Variants in SEL1L observed in about 807,000 individuals in gnomAD.
The protein encoded by SEL1L is SEL1L adaptor subunit of SYVN1 ubiquitin ligase.
A neutral mutation model predicts 109.8 loss-of-function variants in SEL1L; 52 were observed. The observed-to-expected ratio is 0.47, with a 90% CI of 0.38 to 0.60. The LOEUF (loss-of-function observed/expected upper bound fraction) is 0.60. SEL1L is among the 20% of genes least tolerant of loss of function. The probability of loss-of-function intolerance (pLI) is 0.00; values close to 1 mark genes in which losing one functional copy is unlikely to be tolerated. For missense variants in SEL1L, 749 were observed against 962.2 expected (o/e 0.78, Z 2.93); for synonymous variants, 373 against 339.6 (o/e 1.10, Z -1.08).
intron 10 of SEL1L, among the ~76,000 whole-genome samples, chr14:81,497,317 A>C (rs2140008840): frequency 6.6e-6 from 1 of 152,338 alleles, no homozygotes; most frequent in African/African-American, 2.4e-5. Context: ...AAAAAAATAT[A>C]AATGTTAAAG....
At chr14:81,530,874 A>T (rs927889528) in intron 1 of SEL1L, among the ~76,000 whole-genome samples, 19 of 152,252 alleles carry the variant, frequency 1.2e-4, no homozygotes, top group African/African-American at 4.6e-4. Context: ...AAATCTGTAC[A>T]GCATGTGACT....
At chr14:81,501,046 T>A (rs1047201228) in intron 6 of SEL1L, among the ~76,000 whole-genome samples, 1 of 152,200 alleles carries the variant, frequency 6.6e-6, no homozygotes, top group Non-Finnish European at 1.5e-5. Flanking sequence ...GCCTGGGGTA[T>A]GGCTGTCAGG....
At chr14:81,487,734 T>C in intron 15 of SEL1L, 121 bp downstream of exon 15, 8 of 1,523,686 alleles carry the variant, frequency 5.3e-6, no homozygotes, top group Non-Finnish European at 7.0e-6. Flanking sequence ...ATCATTGAAC[T>C]GGGAGAACAT....
At chr14:81,524,344 T>A (rs1362333688) in intron 3 of SEL1L, among the ~76,000 whole-genome samples, 2 of 152,262 alleles carry the variant, frequency 1.3e-5, no homozygotes, top group East Asian at 3.9e-4. Flanking sequence ...TGTCTCTCAA[T>A]GTAAAGCAAC....
intron 10 of SEL1L, among the ~76,000 whole-genome samples, chr14:81,496,052 G>A (rs1341994140): frequency 6.6e-6 from 1 of 152,010 alleles, no homozygotes; most frequent in Non-Finnish European, 1.5e-5. Context: ...GGCCGGGCGC[G>A]GTGCCTCACG....
intron 3 of SEL1L, among the ~76,000 whole-genome samples, chr14:81,520,659 T>G (rs765775375): frequency 9.9e-5 from 15 of 152,120 alleles, no homozygotes; most frequent in Non-Finnish European, 1.9e-4. Flanking sequence ...CAAATCACCT[T>G]AGAAATATGG....
In SEL1L at chr14:81,484,238, A is replaced by C; in HGVS notation, c.2033T>G (p.Leu678Arg). The change falls in exon 19 of 21, where the codon CTG becomes CGG. Residue 678 changes from leucine (L) to arginine (R), a missense_variant. Leu to Arg is a moderately radical substitution (Grantham distance 102). Transcript: ENST00000336735. The stretch of plus-strand genomic sequence containing the variant: ...AGCCACACTCACCTGTTTAATGCCC[A>C]GTCCTTTCTCATGCATATATCCCAG... ...FNLGYMHEKG[L>R]GIKQDIHLAK... 6.2e-7 allele frequency: 1 copy of C among 1,610,932 alleles called. No homozygotes were observed. Among genetic ancestry groups the C allele is most frequent in the South Asian group, 1.1e-5 (1 of 90,848 alleles).
chr14:81,529,674 C>T (rs1162772900), intron 1 of SEL1L, among the ~76,000 whole-genome samples: 1 of 152,208 alleles, frequency 6.6e-6, no homozygotes, highest in African/African-American at 2.4e-5. Context: ...CCTCTCTCTT[C>T]GCAACCTGGA....
At position 81,473,825 on chromosome 14, in the gene SEL1L, T is replaced by G. The variant is rs888765559; in HGVS notation, c.*3147A>C. 1 of 152,016 alleles carries G rather than the reference T, an allele frequency of 6.6e-6. No individual in the cohort carries two copies. The highest frequency in any genetic ancestry group is 2.4e-5 in the African/African-American group (1 of 41,396). 9.4% of individuals were successfully genotyped at this position (152,016 alleles called of 1,614,324 possible). ...GCATGCATACTTCCAAAACACTGGT[T>G]TGAAGAATGAACATGAGGATAAAAG... On this transcript the variant is annotated 3_prime_UTR_variant, in exon 21 of 21. Coordinates refer to ENST00000336735, the MANE Select transcript of SEL1L (RefSeq NM_005065.6).
At position 81,471,632 on chromosome 14, in the gene SEL1L, G is replaced by A. The variant is rs1903017744; in HGVS notation, c.*5340C>T. 6.6e-6 allele frequency: 1 copy of A among 152,166 alleles called. No homozygotes were observed. Among genetic ancestry groups the A allele is most frequent in the Non-Finnish European group, 1.5e-5 (1 of 68,024 alleles). The allele number at this position is 152,166 out of a possible 1,614,324, so 9.4% of individuals were successfully genotyped here. On this transcript the variant is annotated 3_prime_UTR_variant, in exon 21 of 21. Transcript: ENST00000336735. ...CTCAACTTACATGAGAAAAAATTGT[G>A]TGGTTTTTAGAAATGGGATTTAATA...
At chr14:81,497,744 TAAGGGG>T in intron 10 of SEL1L, 142 bp downstream of exon 10, 1 of 680,218 alleles carries the variant, frequency 1.5e-6, no homozygotes, top group African/African-American at 1.8e-5. Context: ...TTTTTTTTTT[TAAGGGG>T]CTCAGGTGAT....
rs751283543 is a variant in SEL1L at position 81,492,465 on chromosome 14, C to A, written c.1254+15G>T. The stretch of plus-strand genomic sequence containing the variant: ...CTCTTGCTATTACATAAAACATTCA[C>A]AGGATGTACAGTACCTTTCCCAAAA... On this transcript the variant is annotated intron_variant, in intron 12 of 20. Coordinates refer to ENST00000336735, the MANE Select transcript of SEL1L (RefSeq NM_005065.6). 1 of 1,591,258 alleles carries A rather than the reference C, an allele frequency of 6.3e-7. No individual in the cohort carries two copies.
chr14:81,492,380 C>T, intron 12 of SEL1L, 100 bp downstream of exon 12: 1 of 885,990 alleles, frequency 1.1e-6, no homozygotes, highest in Non-Finnish European at 1.8e-6. Flanking sequence ...AATCTTATTT[C>T]CAATTTATTT....
chr14:81,484,967 C>T (rs1175311905), intron 18 of SEL1L, among the ~76,000 whole-genome samples: 2 of 152,072 alleles, frequency 1.3e-5, no homozygotes, highest in Non-Finnish European at 1.5e-5. Flanking sequence ...TCCAGCTTGA[C>T]CATTTAGGTT....
chr14:81,527,020 A>G (rs551089507), intron 2 of SEL1L, 56 bp from the exon 3 acceptor site: 319 of 1,278,882 alleles, frequency 2.5e-4, no homozygotes, highest in Non-Finnish European at 3.5e-4. Context: ...CCCCAACCCT[A>G]TTTGACCGTT....
chr14:81,489,222 TAAAG>T, intron 14 of SEL1L, 26 bp downstream of exon 14: 2 of 1,598,614 alleles, frequency 1.3e-6, no homozygotes, highest in Non-Finnish European at 8.6e-7. Context: ...GACTGCTCAT[TAAAG>T]AGAGAATGTC....
intron 3 of SEL1L, among the ~76,000 whole-genome samples, chr14:81,510,215 T>C (rs1362466505): frequency 1.3e-5 from 2 of 151,854 alleles, no homozygotes; most frequent in Admixed American, 6.6e-5. Flanking sequence ...TGGAGAAGAG[T>C]AGATTTAGCA....
At chr14:81,498,310 GA>G in intron 9 of SEL1L, 102 bp downstream of exon 9, 1 of 969,320 alleles carries the variant, frequency 1.0e-6, no homozygotes. Flanking sequence ...CCACATAAAA[GA>G]GCCATTTATA....
At chr14:81,478,822 A>C (rs1903254322) in intron 20 of SEL1L, among the ~76,000 whole-genome samples, 1 of 152,228 alleles carries the variant, frequency 6.6e-6, no homozygotes. Flanking sequence ...ACATGAGGGA[A>C]AGCCCATTCT....
Sources: allele counts gnomAD v4.1 joint callset (sites outside exome capture counted in the v4.1 genomes callset), GRCh38; gene constraint gnomAD v4.1.1; transcripts MANE v1.5; gene names NCBI Gene and HGNC (gene_info 2026-07-23, HGNC 2026-07-21).